PRTG: variants seen among roughly 807,000 people sequenced by gnomAD.
The protein encoded by PRTG is protogenin, also known as immunoglobulin superfamily, DCC subclass, member 5.
In PRTG, 67 loss-of-function variants were observed where a neutral mutation model predicts 122.5. The observed-to-expected ratio is 0.55, with a 90% CI of 0.45 to 0.67. PRTG has a LOEUF of 0.67. Among genes scored for constraint, PRTG ranks in the 30% least tolerant of loss-of-function variants. PRTG has a pLI of 0.00. For missense variants in PRTG, 1,435 were observed against 1,415.4 expected, an observed-to-expected ratio of 1.01 and a Z score of -0.22; for synonymous variants, 554 against 501.1, an observed-to-expected ratio of 1.11 and a Z score of -1.41.
rs1316306147 is a variant in PRTG at position 55,612,260 on chromosome 15, T to G, written c.*7752A>C. The G allele has an allele frequency of 1.3e-5, 2 of 152,084 alleles. No individual in the cohort carries two copies. Among genetic ancestry groups the G allele is most frequent in the African/African-American group, 4.8e-5 (2 of 41,436 alleles). The allele number at this position is 152,084 out of a possible 1,614,324, so 9.4% of individuals were successfully genotyped here. On this transcript the variant is annotated 3_prime_UTR_variant, in exon 20 of 20. Transcript: ENST00000389286. ...AAACAGAATATTTCAAGGTCAAGAT[T>G]TGTAATATTTTTGTTTTTAAAGACA... is the stretch of plus-strand genomic sequence containing the variant.
chr15:55,680,462 C>CTTTT, intron 5 of PRTG, 29 bp downstream of exon 5: 1 of 1,234,700 alleles, frequency 8.1e-7, no homozygotes. Context: ...AAGGAAAAGA[C>CTTTT]TTTTTTTTTT....
chr15:55,688,541 T>C (rs535179257), intron 2 of PRTG, among the ~76,000 whole-genome samples: 89 of 152,264 alleles, frequency 5.8e-4, no homozygotes, highest in Non-Finnish European at 1.0e-3. Context: ...CTGGAGTTTA[T>C]GAAAGGCACT....
At chr15:55,641,513 T>C (rs1462273548) in intron 11 of PRTG, among the ~76,000 whole-genome samples, 1 of 152,198 alleles carries the variant, frequency 6.6e-6, no homozygotes, top group African/African-American at 2.4e-5. Flanking sequence ...GATAGATTCT[T>C]GATTTTAAAA....
At chr15:55,640,245 T>A (rs2059282114) in intron 12 of PRTG, among the ~76,000 whole-genome samples, 1 of 152,216 alleles carries the variant, frequency 6.6e-6, no homozygotes, top group Non-Finnish European at 1.5e-5. Flanking sequence ...AACACAATGG[T>A]ATTTGTGTAT....
chr15:55,730,752 A>G (rs1169039830), intron 2 of PRTG, among the ~76,000 whole-genome samples: 8 of 152,148 alleles, frequency 5.3e-5, no homozygotes, highest in Non-Finnish European at 1.0e-4. Context: ...GTGAGCCGAG[A>G]TGGCGCCACT....
intron 2 of PRTG, chr15:55,738,309 G>T: frequency 2.3e-6 from 1 of 436,686 alleles, no homozygotes; most frequent in East Asian, 3.4e-5. Flanking sequence ...CATTTTGTTT[G>T]TTACACCTAT....
chr15:55,667,580 T>C (rs2059445935), intron 11 of PRTG, among the ~76,000 whole-genome samples: 1 of 152,180 alleles, frequency 6.6e-6, no homozygotes, highest in Admixed American at 6.5e-5. Context: ...CATAATAATA[T>C]ATTAAACATA....
intron 11 of PRTG, among the ~76,000 whole-genome samples, chr15:55,662,632 C>T (rs1250218088): frequency 1.3e-5 from 2 of 152,004 alleles, no homozygotes; most frequent in African/African-American, 4.8e-5. Context: ...TGAAAAATTT[C>T]AGTTTCTGAA....
chr15:55,682,306 A>T (rs2059543201), intron 4 of PRTG, 58 bp downstream of exon 4: 2 of 1,377,978 alleles, frequency 1.5e-6, no homozygotes, highest in Admixed American at 2.2e-5. Context: ...AGAGGAGAAG[A>T]AGTAACAACT....
At chr15:55,645,072 G>C (rs2059312896) in intron 11 of PRTG, among the ~76,000 whole-genome samples, 1 of 152,096 alleles carries the variant, frequency 6.6e-6, no homozygotes, top group African/African-American at 2.4e-5. Context: ...TTAATCCAGA[G>C]ACCCTGGAAT....
chr15:55,663,757 G>A (rs950361460), intron 11 of PRTG, among the ~76,000 whole-genome samples: 1 of 152,058 alleles, frequency 6.6e-6, no homozygotes, highest in African/African-American at 2.4e-5. Context: ...GGCCAGACTG[G>A]TCTCGAGCTC....
Position 55,687,802 on chromosome 15 carries a change from T to C in PRTG, c.398-3871A>G, listed in dbSNP as rs150822720. ...TTGAAAATTCAATCCACTGGCAAAA[T>C]AGTTTCGTGGAGAAAATACCAAGCC... is the stretch of plus-strand genomic sequence containing the variant. On this transcript the variant is annotated intron_variant, in intron 2 of 19. Transcript: ENST00000389286. Among the ~76,000 whole-genome samples, 845 of 152,304 alleles carry C rather than the reference T, an allele frequency of 5.5e-3. 4 individuals are homozygous for C. Among genetic ancestry groups the C allele is most frequent in the Middle Eastern group, 0.014 (4 of 294 alleles).
rs142054566 is a variant in PRTG, at chr15:55,648,141, G to A, written c.2042-6933C>T. The stretch of plus-strand genomic sequence containing the variant: ...GAAAACAATAAATTCCTTTTGTAGT[G>A]GAAGAACAGTAAGTCATTTCATTAA... On this transcript the variant is annotated intron_variant, in intron 11 of 19. Coordinates refer to ENST00000389286, the MANE Select transcript of PRTG (RefSeq NM_173814.6). 2.2e-3 allele frequency among the ~76,000 whole-genome samples: 336 copies of A among 152,188 alleles called. 4 individuals are homozygous for A. The highest frequency in any genetic ancestry group is 7.5e-3 in the African/African-American group (312 of 41,494).
At position 55,624,370 on chromosome 15, in the gene PRTG, A is replaced by G. The variant is rs2141712474; in HGVS notation, c.3065T>C (p.Ile1022Thr). Residue 1022 changes from isoleucine (I) to threonine (T), a missense_variant, in exon 18 of 20, where the codon ATC (isoleucine) becomes ACC (threonine). Physicochemically the swap from Ile to Thr is moderately conservative, Grantham distance 89. Transcript: ENST00000389286. Reference sequence around the variant, plus strand: ...TGCATCAATGAAGCTGTTTGGCATGATCATTGGCATTAAAGATTCTTCATT... The same window carrying G: ...TGCATCAATGAAGCTGTTTGGCATGGTCATTGGCATTAAAGATTCTTCATT... ...VGNEESLMPM[I>T]MPNSFIDAKG... 1 of 1,614,098 alleles carries G rather than the reference A, an allele frequency of 6.2e-7. No homozygotes were observed. The highest frequency in any genetic ancestry group is 1.7e-5 in the Admixed American group (1 of 60,022).
In PRTG at chr15:55,614,092, T is replaced by A. The variant is rs2059132062; in HGVS notation, c.*5920A>T. Reference sequence around the variant, plus strand: ...AGTATTATTCTGGCCTTTCTCATAATGGAGACAGCTTTATCGATTTAGTTG... The same window carrying A: ...AGTATTATTCTGGCCTTTCTCATAAAGGAGACAGCTTTATCGATTTAGTTG... On this transcript the variant is annotated 3_prime_UTR_variant, in exon 20 of 20. Transcript: ENST00000389286. The A allele has an allele frequency of 6.6e-6, 1 of 152,128 alleles. No individual in the cohort carries two copies. The highest frequency in any genetic ancestry group is 1.5e-5 in the Non-Finnish European group (1 of 67,988). The allele number at this position is 152,128 out of a possible 1,614,324, so 9.4% of individuals were successfully genotyped here. A position where few individuals can be genotyped will look rare whatever the true frequency, so the allele number is the denominator to read the frequency against.
At chr15:55,695,710 G>A (rs763317465) in intron 2 of PRTG, among the ~76,000 whole-genome samples, 4 of 152,216 alleles carry the variant, frequency 2.6e-5, no homozygotes, top group South Asian at 2.1e-4. Flanking sequence ...TGGGCGCAGC[G>A]GCTCATGCCT....
In PRTG at chr15:55,639,693, C is replaced by T; in HGVS notation, c.2273G>A (p.Arg758His). The T allele has an allele frequency of 1.9e-6, 3 of 1,614,042 alleles. No homozygotes were observed. Among genetic ancestry groups the T allele is most frequent in the Non-Finnish European group, 2.5e-6 (3 of 1,179,994 alleles). Residue 758 changes from arginine to histidine, a missense_variant, in exon 13 of 20, where the codon CGC becomes CAC. Arg to His is a conservative substitution (Grantham distance 29, BLOSUM62 0). Coordinates refer to ENST00000389286, the MANE Select transcript of PRTG (RefSeq NM_173814.6). ...ATTCTGCAGGCCAACAGGATTACAG[C>T]GGATGGTGTAGTTAATGATTTGTGC... ...TAAQIINYTI[R>H]CNPVGLQNAS...
intron 2 of PRTG, among the ~76,000 whole-genome samples, chr15:55,708,013 CA>C (rs1567109005): frequency 6.6e-6 from 1 of 151,968 alleles, no homozygotes; most frequent in Non-Finnish European, 1.5e-5. Flanking sequence ...TCAGAAGCCA[CA>C]AAGGCAATGT....
chr15:55,742,994 G>GCC lies in PRTG; in HGVS notation c.-65_-64dup. The GCC allele has an allele frequency of 7.2e-7, 1 of 1,388,910 alleles. No homozygotes were observed. Among genetic ancestry groups the GCC allele is most frequent in the South Asian group, 1.6e-5 (1 of 61,000 alleles). The allele number at this position is 1,388,910 out of a possible 1,614,324, so 86.0% of individuals were successfully genotyped here. A position where few individuals can be genotyped will look rare whatever the true frequency, so the allele number is the denominator to read the frequency against. On this transcript the variant is annotated 5_prime_UTR_variant, in exon 1 of 20. Transcript: ENST00000389286. Reference sequence around the variant, plus strand: ...GAGCCCCTGTCCGTCTGCGGCCCCCGCCCCGGGCGCTCTCTGCTCTGCGGC... The same window carrying GCC: ...GAGCCCCTGTCCGTCTGCGGCCCCCGCCCCCCGGGCGCTCTCTGCTCTGCGGC...
Sources: gnomAD v4.1 joint callset for allele counts (sites outside exome capture counted in the v4.1 genomes callset) on GRCh38, gnomAD v4.1.1 for gene constraint, MANE v1.5 for transcripts, NCBI Gene and HGNC (gene_info 2026-07-23, HGNC 2026-07-21) for gene names.